NOL4: variants seen among roughly 807,000 people sequenced by gnomAD.
NOL4 encodes cancer/testis antigen 125.
A neutral mutation model predicts 75.9 loss-of-function variants in NOL4; 17 were observed. The observed-to-expected ratio is 0.22, with a 90% CI of 0.15 to 0.34. The LOEUF is 0.34. Ranked by LOEUF, NOL4 falls within the 10% of genes least tolerant of loss-of-function variation. The pLI is 1.00. For missense variants in NOL4, 614 were observed against 793.5 expected (o/e 0.77, Z 2.72); for synonymous variants, 292 against 289.9 (o/e 1.01, Z -0.07).
At chr18:34,124,632 C>A (rs979719895) in intron 2 of NOL4, among the ~76,000 whole-genome samples, 1 of 152,106 alleles carries the variant, frequency 6.6e-6, no homozygotes, top group Non-Finnish European at 1.5e-5. Flanking sequence ...AGGCTTGATG[C>A]GATGGCTCAT....
At chr18:34,155,096 A>C (rs1344584687) in intron 1 of NOL4, among the ~76,000 whole-genome samples, 1 of 151,942 alleles carries the variant, frequency 6.6e-6, no homozygotes, top group Admixed American at 6.6e-5. Flanking sequence ...TGAAAGGATG[A>C]CAAGAGTAGC....
chr18:34,108,635 A>T (rs897001461), intron 2 of NOL4, among the ~76,000 whole-genome samples: 7 of 152,210 alleles, frequency 4.6e-5, no homozygotes, highest in African/African-American at 1.7e-4. Flanking sequence ...TCAATTCATC[A>T]AGAAGATATA....
intron 6 of NOL4, among the ~76,000 whole-genome samples, chr18:34,007,004 G>C (rs1443266780): frequency 1.3e-5 from 2 of 151,974 alleles, no homozygotes. Flanking sequence ...AAAAAGTTTT[G>C]CTTCCTGTTC....
intron 6 of NOL4, among the ~76,000 whole-genome samples, chr18:33,963,653 G>T (rs972965753): frequency 1.1e-4 from 16 of 152,292 alleles, no homozygotes; most frequent in Middle Eastern, 3.4e-3. Context: ...ACAGGTGTTG[G>T]CTTATGGGGA....
chr18:34,048,698 A>T (rs1402225922), intron 5 of NOL4: 1 of 683,622 alleles, frequency 1.5e-6, no homozygotes, highest in Non-Finnish European at 1.8e-6. Flanking sequence ...TCAGGGAAAC[A>T]TGCACTCAGT....
At chr18:33,897,986 T>A (rs977764271) in intron 9 of NOL4, among the ~76,000 whole-genome samples, 1 of 152,116 alleles carries the variant, frequency 6.6e-6, no homozygotes, top group African/African-American at 2.4e-5. Context: ...TCATCACAAC[T>A]CACTGCAGCC....
At chr18:34,126,742 G>C (rs972122472) in intron 2 of NOL4, among the ~76,000 whole-genome samples, 2 of 151,934 alleles carry the variant, frequency 1.3e-5, no homozygotes, top group Non-Finnish European at 2.9e-5. Context: ...GACAAAACAG[G>C]GTCCCAAGTT....
intron 9 of NOL4, among the ~76,000 whole-genome samples, chr18:33,885,539 C>G (rs1339795476): frequency 2.0e-5 from 3 of 152,090 alleles, no homozygotes; most frequent in African/African-American, 7.2e-5. Context: ...GAAAAGACAA[C>G]ATACAGATGG....
intron 2 of NOL4, among the ~76,000 whole-genome samples, chr18:34,122,038 A>G (rs1357280548): frequency 6.6e-6 from 1 of 152,228 alleles, no homozygotes; most frequent in Non-Finnish European, 1.5e-5. Context: ...TGTATTATCT[A>G]TTGATAAGAA....
intron 9 of NOL4, among the ~76,000 whole-genome samples, chr18:33,891,253 C>A (rs1483234786): frequency 6.6e-6 from 1 of 151,944 alleles, no homozygotes; most frequent in Admixed American, 6.6e-5. Context: ...TGTCCATAGA[C>A]CTGTAAGGCT....
intron 8 of NOL4, 121 bp downstream of exon 8, chr18:33,957,205 C>T: frequency 1.4e-6 from 1 of 721,922 alleles, no homozygotes; most frequent in East Asian, 2.8e-5. Context: ...AACAAAACCC[C>T]CTTTGACCTG....
chr18:33,993,825 A>G (rs1479962230), intron 6 of NOL4, among the ~76,000 whole-genome samples: 1 of 151,890 alleles, frequency 6.6e-6, no homozygotes, highest in East Asian at 1.9e-4. Flanking sequence ...AAAAAAATCT[A>G]CTAGAAGGGA....
chr18:34,092,275 C>T (rs1312677761), intron 5 of NOL4, among the ~76,000 whole-genome samples: 1 of 152,034 alleles, frequency 6.6e-6, no homozygotes, highest in Non-Finnish European at 1.5e-5. Flanking sequence ...AAACTTCATT[C>T]TTATAATATT....
chr18:34,223,487 T>C lies in NOL4; in HGVS notation c.-234A>G. 1.7e-6 allele frequency: 1 copy of C among 592,436 alleles called. No individual in the cohort carries two copies. Among genetic ancestry groups the C allele is most frequent in the Non-Finnish European group, 3.0e-6 (1 of 337,926 alleles). The allele number at this position is 592,436 out of a possible 1,614,324, so 36.7% of individuals were successfully genotyped here. On this transcript the variant is annotated 5_prime_UTR_variant, in exon 1 of 11. Coordinates refer to ENST00000261592, the MANE Select transcript of NOL4 (RefSeq NM_003787.5). ...GGTCCATTCGTAATTGCAACGGCTG[T>C]CTCGGACGTTTTTCCTGTTCCCTTA... is the stretch of plus-strand genomic sequence containing the variant.
chr18:34,048,521 G>A (rs2076484599), intron 5 of NOL4: 1 of 985,322 alleles, frequency 1.0e-6, no homozygotes, highest in African/African-American at 1.7e-5. Flanking sequence ...CCTCAGGCGA[G>A]GTCCAACCTT....
chr18:34,211,300 A>C (rs1464393843), intron 1 of NOL4, among the ~76,000 whole-genome samples: 1 of 152,238 alleles, frequency 6.6e-6, no homozygotes, highest in Non-Finnish European at 1.5e-5. Context: ...AATGAGCAAC[A>C]ACATAGCAAA....
intron 1 of NOL4, among the ~76,000 whole-genome samples, chr18:34,147,429 G>A (rs976256126): frequency 6.6e-6 from 1 of 151,942 alleles, no homozygotes; most frequent in Admixed American, 6.6e-5. Flanking sequence ...GCATGAAAGG[G>A]TGTTAAATTT....
chr18:34,124,514 G>T (rs1277041494), intron 2 of NOL4, among the ~76,000 whole-genome samples: 1 of 152,038 alleles, frequency 6.6e-6, no homozygotes, highest in East Asian at 1.9e-4. Context: ...TGTGGAGTTT[G>T]CTGAGACTTC....
chr18:33,883,193 A>T (rs761282771), intron 10 of NOL4, 51 bp downstream of exon 10: 2 of 1,419,206 alleles, frequency 1.4e-6, no homozygotes, highest in Admixed American at 2.2e-5. Context: ...GTACCCTAAA[A>T]CTTAAAGTAT....
Sources: gnomAD v4.1 joint callset for allele counts (sites outside exome capture counted in the v4.1 genomes callset) on GRCh38, gnomAD v4.1.1 for gene constraint, MANE v1.5 for transcripts, NCBI Gene and HGNC (gene_info 2026-07-23, HGNC 2026-07-21) for gene names.